The following PLCXD3 variants were observed in gnomAD, a reference collection of about 807,000 sequenced individuals.
The protein encoded by PLCXD3 is phosphatidylinositol specific phospholipase C X domain containing 3, also known as PI-PLC X domain-containing protein 3.
PLCXD3 carries 19 observed loss-of-function variants against 25.5 expected under a neutral mutation model. That is an observed-to-expected ratio of 0.75 (90% CI 0.52 to 1.09). The LOEUF (loss-of-function observed/expected upper bound fraction) is 1.09. PLCXD3 is among the 50% of genes least tolerant of loss of function. The probability of loss-of-function intolerance (pLI) is 0.00; values close to 1 mark genes in which losing one functional copy is unlikely to be tolerated. For missense variants in PLCXD3, 411 were observed against 388.1 expected (o/e 1.06, Z -0.50); for synonymous variants, 174 against 137.6 (o/e 1.26, Z -1.85).
chr5:41,440,122 G>A (rs528652306), intron 1 of PLCXD3, among the ~76,000 whole-genome samples: 1 of 150,568 alleles, frequency 6.6e-6, no homozygotes, highest in Admixed American at 6.6e-5. Context: ...AGATTCAGGA[G>A]CCAGACCACA....
chr5:41,357,364 G>T (rs1007766651), intron 2 of PLCXD3, among the ~76,000 whole-genome samples: 1 of 152,190 alleles, frequency 6.6e-6, no homozygotes, highest in Non-Finnish European at 1.5e-5. Flanking sequence ...ATTTAAGGTG[G>T]CATTGGCCAA....
intron 1 of PLCXD3, among the ~76,000 whole-genome samples, chr5:41,483,517 C>A (rs1748456926): frequency 6.6e-6 from 1 of 151,948 alleles, no homozygotes; most frequent in African/African-American, 2.4e-5. Context: ...ACATAAAGTG[C>A]TTTATAAGTG....
At chr5:41,468,882 C>T (rs562833138) in intron 1 of PLCXD3, among the ~76,000 whole-genome samples, 7 of 152,074 alleles carry the variant, frequency 4.6e-5, no homozygotes, top group Non-Finnish European at 8.8e-5. Flanking sequence ...TTTCTTTTGC[C>T]TAATTCTTCT....
At chr5:41,341,535 A>G (rs1434137970) in intron 2 of PLCXD3, among the ~76,000 whole-genome samples, 4 of 152,224 alleles carry the variant, frequency 2.6e-5, no homozygotes, top group African/African-American at 7.2e-5. Flanking sequence ...ATTTTGGATT[A>G]TGTAAATTGG....
At chr5:41,425,590 G>GGT (rs1746937097) in intron 1 of PLCXD3, among the ~76,000 whole-genome samples, 1 of 152,120 alleles carries the variant, frequency 6.6e-6, no homozygotes, top group Non-Finnish European at 1.5e-5. Flanking sequence ...GTATCATACA[G>GGT]AGTAGTTTTA....
At chr5:41,421,155 A>G (rs966153551) in intron 1 of PLCXD3, among the ~76,000 whole-genome samples, 1 of 152,222 alleles carries the variant, frequency 6.6e-6, no homozygotes, top group East Asian at 1.9e-4. Flanking sequence ...TTAGGATAAT[A>G]TTAGGCATAA....
At chr5:41,427,226 T>G (rs1247395527) in intron 1 of PLCXD3, among the ~76,000 whole-genome samples, 1 of 152,154 alleles carries the variant, frequency 6.6e-6, no homozygotes, top group African/African-American at 2.4e-5. Flanking sequence ...GTTTCTTTCT[T>G]GCAAATCCTA....
intron 1 of PLCXD3, among the ~76,000 whole-genome samples, chr5:41,446,044 T>C (rs1369204058): frequency 2.6e-5 from 4 of 150,998 alleles, no homozygotes; most frequent in Non-Finnish European, 5.9e-5. Flanking sequence ...AAAAATTAGC[T>C]GGGCGTAGTG....
intron 1 of PLCXD3, among the ~76,000 whole-genome samples, chr5:41,482,893 G>C (rs191359934): frequency 2.0e-5 from 3 of 152,112 alleles, no homozygotes; most frequent in Non-Finnish European, 4.4e-5. Context: ...TTTTCATCTT[G>C]TAAAACTGAA....
intron 1 of PLCXD3, among the ~76,000 whole-genome samples, chr5:41,436,990 A>G (rs892994591): frequency 6.6e-6 from 1 of 152,218 alleles, no homozygotes; most frequent in Admixed American, 6.5e-5. Context: ...CCTGAACAAG[A>G]CTGTCACAGA....
At chr5:41,395,205 A>G (rs80033376) in intron 1 of PLCXD3, among the ~76,000 whole-genome samples, 16,098 of 152,208 alleles carry the variant, frequency 0.11, 1,039 homozygotes, top group Admixed American at 0.17. Context: ...CAGAAATTTA[A>G]GAATATGCTT....
At chr5:41,365,667 T>G (rs915897676) in intron 2 of PLCXD3, among the ~76,000 whole-genome samples, 3 of 152,166 alleles carry the variant, frequency 2.0e-5, no homozygotes, top group Admixed American at 2.0e-4. Context: ...GGAAACACTA[T>G]TTTGGTCTAC....
At chr5:41,463,525 C>G (rs1161748103) in intron 1 of PLCXD3, among the ~76,000 whole-genome samples, 2 of 151,968 alleles carry the variant, frequency 1.3e-5, no homozygotes, top group Non-Finnish European at 2.9e-5. Context: ...CACAAACGTT[C>G]AATCCATAAC....
At chr5:41,366,776 A>T (rs161087) in intron 2 of PLCXD3, among the ~76,000 whole-genome samples, 110,543 of 152,064 alleles carry the variant, frequency 0.73, 40,790 homozygotes, top group Non-Finnish European at 0.79. Context: ...AAGCCCAGCA[A>T]GCATTAGCTA....
chr5:41,353,487 A>G (rs562090850), intron 2 of PLCXD3, among the ~76,000 whole-genome samples: 2 of 152,302 alleles, frequency 1.3e-5, no homozygotes, highest in East Asian at 3.9e-4. Context: ...TTCCTGGGAT[A>G]TGGTCTGAGG....
intron 2 of PLCXD3, among the ~76,000 whole-genome samples, chr5:41,372,490 G>A (rs1440893327): frequency 6.6e-6 from 1 of 152,018 alleles, no homozygotes; most frequent in Non-Finnish European, 1.5e-5. Context: ...CAGAATGAAG[G>A]AGAAAGAGAG....
In PLCXD3 at chr5:41,424,534, C is replaced by G. The variant is rs534861341; in HGVS notation, c.104-42000G>C. On this transcript the variant is annotated intron_variant, in intron 1 of 2. Transcript: ENST00000377801. ...CAGCCTGGGCAACAAGAGCAAAACT[C>G]CATTTCAAAAAAAAAATAGGTTGTG... Among the ~76,000 whole-genome samples, 8 of 151,862 alleles carry G rather than the reference C, an allele frequency of 5.3e-5. No individual in the cohort carries two copies. In the East Asian group the frequency reaches 1.5e-3, roughly 29 times the overall value.
intron 1 of PLCXD3, among the ~76,000 whole-genome samples, chr5:41,427,802 A>G (rs1746997361): frequency 6.6e-6 from 1 of 152,174 alleles, no homozygotes; most frequent in South Asian, 2.1e-4. Flanking sequence ...ACATGGGAAC[A>G]ACTCTTATGG....
intron 2 of PLCXD3, among the ~76,000 whole-genome samples, chr5:41,314,643 G>A (rs771570138): frequency 2.0e-5 from 3 of 152,152 alleles, no homozygotes; most frequent in South Asian, 2.1e-4. Context: ...GCTATCTAGG[G>A]AAAGCATCCC....
Sources: allele counts gnomAD v4.1 joint callset (sites outside exome capture counted in the v4.1 genomes callset), GRCh38; gene constraint gnomAD v4.1.1; transcripts MANE v1.5; gene names NCBI Gene and HGNC (gene_info 2026-07-23, HGNC 2026-07-21).